The following NR6A1 variants were observed in gnomAD, a reference collection of about 807,000 sequenced individuals.
NR6A1 encodes nuclear receptor subfamily 6 group A member 1.
NR6A1 carries 7 observed loss-of-function variants against 59.1 expected under a neutral mutation model. The ratio of observed to expected loss-of-function variants is 0.12; its 90% confidence interval spans 0.07 to 0.22. The LOEUF is 0.22. Among genes scored for constraint, NR6A1 ranks in the 10% least tolerant of loss-of-function variants. The pLI is 1.00. For synonymous variants in NR6A1, 243 were observed against 236.1 expected (o/e 1.03, Z -0.27); for missense variants, 468 against 611.6 (o/e 0.77, Z 2.48).
intron 2 of NR6A1, among the ~76,000 whole-genome samples, chr9:124,694,368 T>C (rs1414236334): frequency 1.3e-5 from 2 of 152,206 alleles, no homozygotes; most frequent in African/African-American, 4.8e-5. Flanking sequence ...CAGCTATATA[T>C]CATAGACTTC....
At chr9:124,648,448 A>G (rs1327561126) in intron 2 of NR6A1, among the ~76,000 whole-genome samples, 1 of 152,234 alleles carries the variant, frequency 6.6e-6, no homozygotes, top group East Asian at 1.9e-4. Context: ...TATAGAAGGA[A>G]CATACCTTAA....
chr9:124,707,449 T>C (rs2131063374), intron 2 of NR6A1, among the ~76,000 whole-genome samples: 1 of 152,246 alleles, frequency 6.6e-6, no homozygotes, highest in South Asian at 2.1e-4. Context: ...ATATCTGTAA[T>C]AGTTGCATTG....
chr9:124,629,333 A>G (rs76508009), intron 2 of NR6A1, among the ~76,000 whole-genome samples: 1,573 of 152,358 alleles, frequency 0.01, 26 homozygotes, highest in African/African-American at 0.036. Flanking sequence ...TTCCTGCAAC[A>G]AAGTGTGACA....
At chr9:124,543,468 A>C (rs1347402784) in intron 4 of NR6A1, among the ~76,000 whole-genome samples, 1 of 152,196 alleles carries the variant, frequency 6.6e-6, no homozygotes, top group Non-Finnish European at 1.5e-5. Context: ...AACAAAGCAA[A>C]GTAGTCTTGC....
chr9:124,560,065 A>G (rs978509346), intron 2 of NR6A1, among the ~76,000 whole-genome samples: 4 of 152,226 alleles, frequency 2.6e-5, no homozygotes, highest in Admixed American at 6.5e-5. Context: ...TCTTGGTTAC[A>G]CAACCAATCA....
chr9:124,748,546 G>A (rs190355582), intron 1 of NR6A1, among the ~76,000 whole-genome samples: 35 of 152,204 alleles, frequency 2.3e-4, no homozygotes, highest in African/African-American at 8.2e-4. Context: ...GCATTTCCCC[G>A]ATCTAAAAAT....
intron 2 of NR6A1, among the ~76,000 whole-genome samples, chr9:124,582,172 C>A (rs1834791282): frequency 1.3e-5 from 2 of 152,104 alleles, no homozygotes; most frequent in Non-Finnish European, 2.9e-5. Context: ...CAGAAACAAA[C>A]TAAATGTCCA....
intron 2 of NR6A1, among the ~76,000 whole-genome samples, chr9:124,603,829 G>A (rs1448658069): frequency 6.6e-6 from 1 of 152,088 alleles, no homozygotes; most frequent in East Asian, 1.9e-4. Flanking sequence ...TTCCCGCAAA[G>A]CCAAAACCAG....
intron 2 of NR6A1, among the ~76,000 whole-genome samples, chr9:124,686,761 T>C (rs1162981964): frequency 6.6e-6 from 1 of 151,022 alleles, no homozygotes; most frequent in Non-Finnish European, 1.5e-5. Context: ...TGGAGTGCAG[T>C]GGCACAAACA....
intron 2 of NR6A1, among the ~76,000 whole-genome samples, chr9:124,699,149 G>A (rs963458980): frequency 1.3e-5 from 2 of 152,134 alleles, no homozygotes; most frequent in South Asian, 2.1e-4. Flanking sequence ...GTGAAAAAGC[G>A]CTCTGCAAAC....
At chr9:124,580,427 T>G (rs1440875693) in intron 2 of NR6A1, among the ~76,000 whole-genome samples, 4 of 151,506 alleles carry the variant, frequency 2.6e-5, no homozygotes, top group Admixed American at 1.3e-4. Context: ...GAAAGAAGGT[T>G]TTTTTTTTGA....
chr9:124,590,892 C>A (rs1050223572), intron 2 of NR6A1, among the ~76,000 whole-genome samples: 9 of 152,178 alleles, frequency 5.9e-5, no homozygotes, highest in African/African-American at 1.9e-4. Context: ...ATCTCTGTTA[C>A]CTTAAAGCCC....
intron 2 of NR6A1, among the ~76,000 whole-genome samples, chr9:124,729,314 G>C (rs575849776): frequency 6.6e-6 from 1 of 152,118 alleles, no homozygotes; most frequent in Admixed American, 6.5e-5. Flanking sequence ...GAAAATGTAT[G>C]AAAGAAACAA....
At chr9:124,526,145 T>C (rs1018959757) in intron 8 of NR6A1, among the ~76,000 whole-genome samples, 1 of 152,078 alleles carries the variant, frequency 6.6e-6, no homozygotes, top group African/African-American at 2.4e-5. Flanking sequence ...CATTAGCTAT[T>C]TTGGAAAAAA....
intron 2 of NR6A1, among the ~76,000 whole-genome samples, chr9:124,589,339 G>A (rs1282746631): frequency 2.0e-5 from 3 of 152,286 alleles, no homozygotes; most frequent in East Asian, 1.9e-4. Flanking sequence ...CCAGCTACTC[G>A]GGAGGCTGAG....
intron 2 of NR6A1, among the ~76,000 whole-genome samples, chr9:124,697,085 C>G (rs772791903): frequency 6.6e-6 from 1 of 152,120 alleles, no homozygotes; most frequent in Non-Finnish European, 1.5e-5. Flanking sequence ...ACTTTCCTGA[C>G]TAGATTAGGA....
chr9:124,597,385 GA>G (rs1835302094), intron 2 of NR6A1, among the ~76,000 whole-genome samples: 1 of 151,146 alleles, frequency 6.6e-6, no homozygotes, highest in South Asian at 2.1e-4. Context: ...AATGAGGGTG[GA>G]AAAAATGGAA....
intron 2 of NR6A1, among the ~76,000 whole-genome samples, chr9:124,567,115 A>T (rs73579853): frequency 0.023 from 3,557 of 152,136 alleles, 129 homozygotes; most frequent in African/African-American, 0.081. Flanking sequence ...CTCAAAAAAA[A>T]AAAAATAAAT....
intron 2 of NR6A1, among the ~76,000 whole-genome samples, chr9:124,670,560 G>A (rs1837762876): frequency 6.7e-6 from 1 of 149,230 alleles, no homozygotes; most frequent in South Asian, 2.1e-4. Flanking sequence ...CGCAGAGGCA[G>A]CTGACAAACA....
Sources: allele counts gnomAD v4.1 joint callset (sites outside exome capture counted in the v4.1 genomes callset), GRCh38; gene constraint gnomAD v4.1.1; transcripts MANE v1.5; gene names NCBI Gene and HGNC (gene_info 2026-07-23, HGNC 2026-07-21).